Variants in GALNT18 observed in about 807,000 individuals in gnomAD.
GALNT18 encodes the protein GalNAc-transferase 18.
Under a neutral mutation model 69.5 loss-of-function variants are expected in GALNT18, and 44 were observed. That is an observed-to-expected ratio of 0.63 (90% confidence interval 0.50 to 0.81). GALNT18 has a LOEUF of 0.81. Ranked by LOEUF, GALNT18 falls within the 40% of genes least tolerant of loss-of-function variation. The pLI is 0.00. For synonymous variants in GALNT18, 364 were observed against 318.2 expected, an observed-to-expected ratio of 1.14 and a Z score of -1.53; for missense variants, 715 against 810.0, an observed-to-expected ratio of 0.88 and a Z score of 1.42.
rs1338785316 is a variant in GALNT18 at position 11,288,911 on chromosome 11, TGA to T, written c.1677+4116_1677+4117del. Among the ~76,000 whole-genome samples, 3 of 152,142 alleles carry T rather than the reference TGA, an allele frequency of 2.0e-5. No individual in the cohort carries two copies. In the East Asian group the frequency reaches 5.8e-4, roughly 29 times the overall value. ...AGATTATTTTAAAATTAATTCAGCC[TGA>T]GTGTCTGTGGAGCTTAAATGTGGTC... On this transcript the variant is annotated intron_variant, in intron 10 of 10. Transcript: ENST00000227756.
At chr11:11,498,293 G>C (rs1330095051) in intron 1 of GALNT18, among the ~76,000 whole-genome samples, 2 of 152,198 alleles carry the variant, frequency 1.3e-5, no homozygotes, top group African/African-American at 2.4e-5. Flanking sequence ...GATTATGTTA[G>C]TACAATAACA....
intron 2 of GALNT18, among the ~76,000 whole-genome samples, chr11:11,433,186 G>A (rs1475824139): frequency 6.6e-6 from 1 of 152,250 alleles, no homozygotes; most frequent in Non-Finnish European, 1.5e-5. Flanking sequence ...ACCTAGGTGA[G>A]GCCAGACCTC....
At chr11:11,440,601 C>T (rs1590003967) in intron 2 of GALNT18, among the ~76,000 whole-genome samples, 1 of 152,178 alleles carries the variant, frequency 6.6e-6, no homozygotes, top group Admixed American at 6.5e-5. Flanking sequence ...GAAATTACTC[C>T]CCCAGGGACT....
intron 8 of GALNT18, among the ~76,000 whole-genome samples, chr11:11,328,642 G>A (rs912875178): frequency 2.6e-5 from 4 of 152,178 alleles, no homozygotes; most frequent in African/African-American, 9.7e-5. Context: ...GCAGTTCAGG[G>A]ATTCTGAAGA....
intron 6 of GALNT18, among the ~76,000 whole-genome samples, chr11:11,343,544 G>C (rs142485160): frequency 3.0e-4 from 46 of 152,198 alleles, no homozygotes; most frequent in African/African-American, 1.1e-3. Context: ...TCATGAGAAG[G>C]TGGCGGTGAA....
chr11:11,542,103 C>T lies in GALNT18; in HGVS notation c.235+79256G>A, dbSNP rs971068644. On this transcript the variant is annotated intron_variant, in intron 1 of 10. Coordinates refer to ENST00000227756, the MANE Select transcript of GALNT18 (RefSeq NM_198516.3). The surrounding 1 kb of genome is among the most constrained non-coding windows in gnomAD (Gnocchi z 4.3). ...AGTGAGGAGGCTGCAGAGGGTTCCA[C>T]GCACCCCGCTCCTCACCCACAAGCT... 6.6e-5 allele frequency among the ~76,000 whole-genome samples: 10 copies of T among 152,298 alleles called. No individual in the cohort carries two copies. Among genetic ancestry groups the T allele is most frequent in the African/African-American group, 1.9e-4 (8 of 41,556 alleles).
chr11:11,501,734 A>G (rs1856976623), intron 1 of GALNT18, among the ~76,000 whole-genome samples: 1 of 152,220 alleles, frequency 6.6e-6, no homozygotes, highest in Non-Finnish European at 1.5e-5. Flanking sequence ...ATCAGCCATC[A>G]TAATTTTCAA....
chr11:11,278,497 A>C (rs1425225675), intron 10 of GALNT18, among the ~76,000 whole-genome samples: 1 of 152,072 alleles, frequency 6.6e-6, no homozygotes, highest in African/African-American at 2.4e-5. Flanking sequence ...CATGTACCCC[A>C]GAACTTATAG....
rs1055500293 is a variant in GALNT18, at chr11:11,383,290, C to A, written c.596-4026G>T. Among the ~76,000 whole-genome samples, 6 of 152,204 alleles carry A rather than the reference C, an allele frequency of 3.9e-5. No homozygotes were observed. The highest frequency in any genetic ancestry group is 6.3e-3 in the Middle Eastern group (2 of 316). ...GCCCTTCTCCCTTCCTCATCTACCC[C>A]CTTCCACTGCTTCTATAAGAAGTTG... On this transcript the variant is annotated intron_variant, in intron 3 of 10. Coordinates refer to ENST00000227756, the MANE Select transcript of GALNT18 (RefSeq NM_198516.3). This position sits in a 1 kb window ranked among gnomAD's most constrained non-coding sequence, Gnocchi z 5.2.
Position 11,415,808 on chromosome 11 carries a change from G to A in GALNT18, c.595+16813C>T, listed in dbSNP as rs972016376. ...GGGTGGGATTTGTTTTTCCTGCCACGTAGAATTCAGGAATTCAGCAAGCAG... is the reference window on the plus strand; with the variant it reads ...GGGTGGGATTTGTTTTTCCTGCCACATAGAATTCAGGAATTCAGCAAGCAG... On this transcript the variant is annotated intron_variant, in intron 3 of 10. Coordinates refer to ENST00000227756, the MANE Select transcript of GALNT18 (RefSeq NM_198516.3). The surrounding 1 kb of genome is among the most constrained non-coding windows in gnomAD (Gnocchi z 4.1). Among the ~76,000 whole-genome samples, 3 of 152,022 alleles carry A rather than the reference G, an allele frequency of 2.0e-5. No individual in the cohort carries two copies. The highest frequency in any genetic ancestry group is 7.2e-5 in the African/African-American group (3 of 41,382).
Position 11,432,664 on chromosome 11 carries a change from A to T in GALNT18, c.552T>A (p.His184Gln), listed in dbSNP as rs764355741. The change falls in exon 3 of 11, where the codon CAT becomes CAA. Residue 184 changes from histidine to glutamine, a missense_variant. Physicochemically the swap from His to Gln is conservative, Grantham distance 24. Coordinates refer to ENST00000227756, the MANE Select transcript of GALNT18 (RefSeq NM_198516.3). This position sits in a 1 kb window ranked among gnomAD's most constrained non-coding sequence, Gnocchi z 5.8. The part of the protein sequence containing the change: ...IHSAMERTPP[H>Q]LLKEIILVDD... Reference sequence around the variant, plus strand: ...CCACCAGAATGATCTCCTTGAGCAGATGTGGGGGCGTGCGTTCCATGGCCG... The same window carrying T: ...CCACCAGAATGATCTCCTTGAGCAGTTGTGGGGGCGTGCGTTCCATGGCCG... 4 of 1,612,376 alleles carry T rather than the reference A, an allele frequency of 2.5e-6. No individual in the cohort carries two copies. The highest frequency in any genetic ancestry group is 3.4e-6 in the Non-Finnish European group (4 of 1,179,304).
chr11:11,346,960 G>C (rs891319956), intron 6 of GALNT18, among the ~76,000 whole-genome samples: 15 of 152,140 alleles, frequency 9.9e-5, no homozygotes, highest in African/African-American at 3.1e-4. Context: ...GATTCCCCAG[G>C]TTTAAAAGAG....
At chr11:11,476,791 G>A (rs1856409324) in intron 1 of GALNT18, among the ~76,000 whole-genome samples, 1 of 152,204 alleles carries the variant, frequency 6.6e-6, no homozygotes. Context: ...TAACAAGAAA[G>A]TTAAGCTGGG....
In GALNT18 at chr11:11,415,090, C is replaced by T. The variant is rs528976524; in HGVS notation, c.595+17531G>A. Among the ~76,000 whole-genome samples, 9 of 152,304 alleles carry T rather than the reference C, an allele frequency of 5.9e-5. No homozygotes were observed. The South Asian group carries it at 1.7e-3, about 28-fold the overall frequency. The stretch of plus-strand genomic sequence containing the variant: ...ACAAGAGGCTGCCCAATCTCCTTGC[C>T]GCATGGACAGTTCACAGCATGGGTC... On this transcript the variant is annotated intron_variant, in intron 3 of 10. Transcript: ENST00000227756. The surrounding 1 kb of genome is among the most constrained non-coding windows in gnomAD (Gnocchi z 4.1).
intron 7 of GALNT18, among the ~76,000 whole-genome samples, chr11:11,334,366 C>T (rs1189724906): frequency 6.6e-6 from 1 of 151,976 alleles, no homozygotes; most frequent in African/African-American, 2.4e-5. Context: ...CATGGTGAAA[C>T]CCCGTCTCTA....
chr11:11,561,598 G>T (rs1858508950), intron 1 of GALNT18, among the ~76,000 whole-genome samples: 1 of 152,226 alleles, frequency 6.6e-6, no homozygotes, highest in South Asian at 2.1e-4. Context: ...AAGGCTCGTT[G>T]ACCTCATTAA....
intron 2 of GALNT18, among the ~76,000 whole-genome samples, chr11:11,433,994 C>A (rs1205609429): frequency 3.9e-5 from 6 of 152,028 alleles, no homozygotes; most frequent in Admixed American, 3.9e-4. Context: ...TTGCACAGGG[C>A]TTCTGCTTGT....
chr11:11,584,756 A>G lies in GALNT18; in HGVS notation c.235+36603T>C, dbSNP rs1248244657. 6.6e-6 allele frequency among the ~76,000 whole-genome samples: 1 copy of G among 152,218 alleles called. No homozygotes were observed. The highest frequency in any genetic ancestry group is 1.9e-4 in the East Asian group (1 of 5,200). On this transcript the variant is annotated intron_variant, in intron 1 of 10. Transcript: ENST00000227756. The surrounding 1 kb of genome is among the most constrained non-coding windows in gnomAD (Gnocchi z 4.1). ...AAGAGCTTATACAATCGAGGTGGAC[A>G]ATGAACTACGTACTTTTTTCATGAA... is the stretch of plus-strand genomic sequence containing the variant.
At chr11:11,409,532 G>A (rs991569610) in intron 3 of GALNT18, among the ~76,000 whole-genome samples, 2 of 152,020 alleles carry the variant, frequency 1.3e-5, no homozygotes, top group South Asian at 2.1e-4. Flanking sequence ...AGGGGACCCC[G>A]GTTCCCCAAA....
Sources: gnomAD v4.1 joint callset for allele counts (sites outside exome capture counted in the v4.1 genomes callset) on GRCh38, gnomAD v4.1.1 for gene constraint, Gnocchi (gnomAD v3.1) non-coding constraint, MANE v1.5 for transcripts, NCBI Gene and HGNC (gene_info 2026-07-23, HGNC 2026-07-21) for gene names.